Variants in ADAMTS6 observed in about 807,000 individuals in gnomAD.
ADAMTS6 encodes the protein A disintegrin and metalloproteinase with thrombospondin motifs 6.
A neutral mutation model predicts 144.3 loss-of-function variants in ADAMTS6; 23 were observed. That is an observed-to-expected ratio of 0.16 (90% CI 0.11 to 0.23). The LOEUF is 0.23. ADAMTS6 is among the 10% of genes least tolerant of loss of function. ADAMTS6 has a pLI of 1.00. For missense variants in ADAMTS6, 999 were observed against 1,379.6 expected, an observed-to-expected ratio of 0.72 and a Z score of 4.37; for synonymous variants, 444 against 457.5, an observed-to-expected ratio of 0.97 and a Z score of 0.38.
chr5:65,311,425 T>G (rs961283176), intron 9 of ADAMTS6, among the ~76,000 whole-genome samples: 9 of 152,138 alleles, frequency 5.9e-5, no homozygotes, highest in African/African-American at 2.2e-4. Flanking sequence ...ATCAGTCTAT[T>G]GACATGCATG....
chr5:65,365,198 T>C (rs1012977523), intron 7 of ADAMTS6, among the ~76,000 whole-genome samples: 1 of 152,108 alleles, frequency 6.6e-6, no homozygotes, highest in African/African-American at 2.4e-5. Flanking sequence ...ATCTGGAGTA[T>C]ACAGACAATA....
At chr5:65,306,375 C>T (rs1180539498) in intron 9 of ADAMTS6, among the ~76,000 whole-genome samples, 2 of 152,228 alleles carry the variant, frequency 1.3e-5, no homozygotes, top group Non-Finnish European at 2.9e-5. Flanking sequence ...TACAAACACA[C>T]TGAATACTGG....
chr5:65,455,343 G>A (rs910042995), intron 4 of ADAMTS6, among the ~76,000 whole-genome samples: 1 of 152,100 alleles, frequency 6.6e-6, no homozygotes, highest in Non-Finnish European at 1.5e-5. Context: ...AGAGCTTGAG[G>A]CCAGCCTGGT....
intron 15 of ADAMTS6, among the ~76,000 whole-genome samples, chr5:65,235,099 G>C (rs1003014114): frequency 6.6e-6 from 1 of 152,156 alleles, no homozygotes; most frequent in African/African-American, 2.4e-5. Flanking sequence ...GTTGCTCAAA[G>C]GGTACAAGCT....
chr5:65,197,500 T>C (rs990899958), intron 20 of ADAMTS6, among the ~76,000 whole-genome samples: 1 of 152,186 alleles, frequency 6.6e-6, no homozygotes, highest in African/African-American at 2.4e-5. Flanking sequence ...TCAAATAAAA[T>C]GTACAAATAT....
At chr5:65,171,202 G>A (rs1194229111) in intron 23 of ADAMTS6, among the ~76,000 whole-genome samples, 1 of 151,730 alleles carries the variant, frequency 6.6e-6, no homozygotes, top group Non-Finnish European at 1.5e-5. Flanking sequence ...GTAGAGACGG[G>A]GTTTCACCAT....
At chr5:65,303,587 A>G (rs1743640866) in intron 9 of ADAMTS6, among the ~76,000 whole-genome samples, 1 of 152,010 alleles carries the variant, frequency 6.6e-6, no homozygotes, top group South Asian at 2.1e-4. Flanking sequence ...ATAAACTTTC[A>G]TATACATGTT....
In ADAMTS6 at chr5:65,271,117, C is replaced by T. The variant is rs143615317; in HGVS notation, c.1620+2223G>A. Among the ~76,000 whole-genome samples, 522 of 152,048 alleles carry T rather than the reference C, an allele frequency of 3.4e-3. 2 individuals are homozygous for T. The highest frequency in any genetic ancestry group is 0.012 in the African/African-American group (502 of 41,478). ...AGAAGTAATTATATTTGGCTGGGCA[C>T]GGTGGCTCACACCTATAATCCCAGC... On this transcript the variant is annotated intron_variant, in intron 12 of 24. Coordinates refer to ENST00000381055, the MANE Select transcript of ADAMTS6 (RefSeq NM_197941.4).
chr5:65,435,648 CAG>C (rs1757333193), intron 7 of ADAMTS6, among the ~76,000 whole-genome samples: 2 of 150,212 alleles, frequency 1.3e-5, no homozygotes, highest in African/African-American at 4.9e-5. Flanking sequence ...TTTTTTGAGA[CAG>C]AGTCTTGCTC....
intron 7 of ADAMTS6, among the ~76,000 whole-genome samples, chr5:65,348,000 T>A (rs1315362233): frequency 6.6e-6 from 1 of 152,058 alleles, no homozygotes; most frequent in Non-Finnish European, 1.5e-5. Flanking sequence ...TTAGAATGAC[T>A]ATCATCAAAA....
chr5:65,229,024 C>T (rs1757938131), intron 15 of ADAMTS6, among the ~76,000 whole-genome samples: 1 of 152,204 alleles, frequency 6.6e-6, no homozygotes, highest in African/African-American at 2.4e-5. Context: ...CCCCCAACTG[C>T]TGTAGGCCAG....
intron 14 of ADAMTS6, among the ~76,000 whole-genome samples, chr5:65,249,108 A>G (rs756759822): frequency 3.3e-5 from 5 of 152,030 alleles, no homozygotes; most frequent in Non-Finnish European, 5.9e-5. Flanking sequence ...TCCACCCACT[A>G]GGAATGTCAG....
chr5:65,184,613 T>C (rs1038681554), intron 22 of ADAMTS6, among the ~76,000 whole-genome samples: 7 of 152,190 alleles, frequency 4.6e-5, no homozygotes, highest in African/African-American at 1.7e-4. Context: ...TTAGGGCTGC[T>C]GGACCCCATC....
rs372871724 is a variant in ADAMTS6 at position 65,350,511 on chromosome 5, G to C, written c.1074-16426C>G. ...AAAGCTCATGTAAGGGTCTGACCAA[G>C]TGAGAAGGACAATGGAAAAATAATC... On this transcript the variant is annotated intron_variant, in intron 7 of 24. Coordinates refer to ENST00000381055, the MANE Select transcript of ADAMTS6 (RefSeq NM_197941.4). Among the ~76,000 whole-genome samples, 5 of 152,300 alleles carry C rather than the reference G, an allele frequency of 3.3e-5. No individual in the cohort carries two copies. The East Asian group carries it at 7.7e-4, about 24-fold the overall frequency.
rs143619830 is a variant in ADAMTS6 at position 65,294,103 on chromosome 5, A to C, written c.1371-2633T>G. 5.9e-3 allele frequency among the ~76,000 whole-genome samples: 901 copies of C among 152,334 alleles called. 8 individuals are homozygous for C. The highest frequency in any genetic ancestry group is 0.021 in the African/African-American group (870 of 41,586). On this transcript the variant is annotated intron_variant, in intron 10 of 24. Transcript: ENST00000381055. ...TGCAAGGTGGATTTAAATTGGTTGT[A>C]CATTTCTACACGTTTACTACATGTG...
At chr5:65,167,361 T>G (rs901366644) in intron 24 of ADAMTS6, among the ~76,000 whole-genome samples, 1 of 151,820 alleles carries the variant, frequency 6.6e-6, no homozygotes, top group African/African-American at 2.4e-5. Flanking sequence ...AATAGACCAA[T>G]AACAGGAGCT....
chr5:65,302,103 AAAAAATATAT>A (rs1165845299), intron 9 of ADAMTS6, among the ~76,000 whole-genome samples: 17 of 118,620 alleles, frequency 1.4e-4, no homozygotes, highest in Middle Eastern at 3.7e-3. Context: ...AAAAAAAAAA[AAAAAATATAT>A]ATATATATAT....
intron 7 of ADAMTS6, among the ~76,000 whole-genome samples, chr5:65,410,921 T>C (rs147960921): frequency 3.5e-4 from 54 of 152,316 alleles, no homozygotes; most frequent in Middle Eastern, 3.4e-3. Flanking sequence ...CACTGCAGTC[T>C]TGAGCTCCTG....
At chr5:65,320,755 A>G (rs1441526674) in intron 9 of ADAMTS6, among the ~76,000 whole-genome samples, 1 of 152,074 alleles carries the variant, frequency 6.6e-6, no homozygotes, top group African/African-American at 2.4e-5. Flanking sequence ...ATGTGTCCAT[A>G]TGTTCTCATA....
Sources: allele counts gnomAD v4.1 joint callset (sites outside exome capture counted in the v4.1 genomes callset), GRCh38; gene constraint gnomAD v4.1.1; transcripts MANE v1.5; gene names NCBI Gene and HGNC (gene_info 2026-07-23, HGNC 2026-07-21).